BOD1L1: variants seen among roughly 807,000 people sequenced by gnomAD.
BOD1L1 encodes the protein biorientation of chromosomes in cell division 1 like 1.
BOD1L1 carries 86 observed loss-of-function variants against 240.7 expected under a neutral mutation model. The ratio of observed to expected loss-of-function variants is 0.36; its 90% CI spans 0.30 to 0.43. The LOEUF (loss-of-function observed/expected upper bound fraction) is 0.43. Ranked by LOEUF, BOD1L1 falls within the 20% of genes least tolerant of loss-of-function variation. The pLI is 1.00. For missense variants in BOD1L1, 3,554 were observed against 3,643.5 expected (o/e 0.98, Z 0.63); for synonymous variants, 1,268 against 1,272.3 (o/e 1.00, Z 0.07).
In BOD1L1 at chr4:13,570,036, G is replaced by T; in HGVS notation, c.9131C>A (p.Ala3044Asp). The T allele has an allele frequency of 6.2e-7, 1 of 1,603,556 alleles. No individual in the cohort carries two copies. The highest frequency in any genetic ancestry group is 8.5e-7 in the Non-Finnish European group (1 of 1,175,846). Reference protein sequence around the residue: ...RTRGQQRVEEAPVKKAKR With the variant: ...RTRGQQRVEEDPVKKAKR ...TTATCGCTTCGCTTTTTTCACAGGG[G>T]CTTCCTCCACCCTTTGCTGGCCTCT... Residue 3044 changes from alanine to aspartate, a missense_variant, in exon 26 of 26, where the codon GCC becomes GAC. By Grantham distance (126) the Ala-to-Asp change is moderately radical. Coordinates refer to ENST00000040738, the MANE Select transcript of BOD1L1 (RefSeq NM_148894.3).
chr4:13,577,640 A>C lies in BOD1L1; in HGVS notation c.8750-9T>G. 6.5e-7 allele frequency: 1 copy of C among 1,543,336 alleles called. No homozygotes were observed. Among genetic ancestry groups the C allele is most frequent in the Non-Finnish European group, 8.8e-7 (1 of 1,135,810 alleles). ...TTCTTTATTGGATTCATCTTTAAGA[A>C]AAGGGAAATCTCTGCATTAATATTT... On this transcript the variant is annotated splice_polypyrimidine_tract_variant and intron_variant, in intron 22 of 25. Transcript: ENST00000040738.
At chr4:13,581,408 CACTA>C (rs575455367) in intron 19 of BOD1L1, among the ~76,000 whole-genome samples, 320 of 152,266 alleles carry the variant, frequency 2.1e-3, no homozygotes, top group African/African-American at 7.5e-3. Flanking sequence ...TGATAAATAT[CACTA>C]ACTGTCATAA....
In BOD1L1 at chr4:13,602,908, G is replaced by C. The variant is rs1715331225; in HGVS notation, c.3992C>G (p.Thr1331Ser). 6.2e-7 allele frequency: 1 copy of C among 1,613,982 alleles called. No homozygotes were observed. Among genetic ancestry groups the C allele is most frequent in the Admixed American group, 1.7e-5 (1 of 60,020 alleles). ...DHSALPNQSL[T>S]VRESEVLKTS... ...CTTAAGGACTTCTGATTCCCTAACAGTCAGACTTTGGTTAGGGAGAGCAGA... is the reference window on the plus strand; with the variant it reads ...CTTAAGGACTTCTGATTCCCTAACACTCAGACTTTGGTTAGGGAGAGCAGA... The change falls in exon 10 of 26, where the codon ACT (threonine) becomes AGT (serine). Residue 1331 changes from threonine (T) to serine (S), a missense_variant. Physicochemically the swap from Thr to Ser is moderately conservative, Grantham distance 58. This residue lies in a region of BOD1L1 where 3,393 missense variants were observed against 3,427.1 expected (regional missense o/e 0.99). Transcript: ENST00000040738.
At chr4:13,581,692 A>C (rs988109179) in intron 19 of BOD1L1, among the ~76,000 whole-genome samples, 9 of 152,180 alleles carry the variant, frequency 5.9e-5, no homozygotes, top group Non-Finnish European at 1.2e-4. Context: ...GCTCAGTCTC[A>C]AGCCACTGCA....
Position 13,600,610 on chromosome 4 carries a change from T to C in BOD1L1, c.6290A>G (p.Asp2097Gly). The C allele has an allele frequency of 1.2e-6, 2 of 1,613,890 alleles. No homozygotes were observed. The highest frequency in any genetic ancestry group is 1.1e-5 in the South Asian group (1 of 91,070). The change falls in exon 10 of 26, where the codon GAT (aspartate) becomes GGT (glycine). Residue 2097 changes from aspartate to glycine, a missense_variant. Transcript: ENST00000040738. The stretch of plus-strand genomic sequence containing the variant: ...CATATTTTCTTCAGTTCTCAGAGCA[T>C]CTGAGAGACCTCCTTCCACATCTGT... ...AITDVEGGLS[D>G]ALRTEENMEG...
At chr4:13,598,077 G>A (rs1336459193) in intron 10 of BOD1L1, among the ~76,000 whole-genome samples, 1 of 152,182 alleles carries the variant, frequency 6.6e-6, no homozygotes, top group East Asian at 1.9e-4. Context: ...CCCAGTCTAT[G>A]CAATTGTCAT....
intron 1 of BOD1L1, chr4:13,624,978 CG>C (rs894085048): frequency 6.6e-6 from 1 of 152,162 alleles, no homozygotes; most frequent in African/African-American, 2.4e-5. Context: ...CTTTGGCCCA[CG>C]GTGGCCAGGC....
In BOD1L1 at chr4:13,601,473, T is replaced by C. The variant is rs538337018; in HGVS notation, c.5427A>G (p.Ser1809=). Residue 1809 remains serine (S), a synonymous_variant, in exon 10 of 26, where the codon TCA becomes TCG. Coordinates refer to ENST00000040738, the MANE Select transcript of BOD1L1 (RefSeq NM_148894.3). ...TAGCAAAGCCTTCGCTGCTATCTTC[T>C]GAACCTGTGCAACTTGCTGGCCCCT... ...DGEGPASCTG[S]EDSSEGFAIS... The C allele has an allele frequency of 6.3e-5, 101 of 1,614,074 alleles. No homozygotes were observed. In the South Asian group the frequency reaches 1.1e-3, roughly 18 times the overall value.
chr4:13,576,895 T>C lies in BOD1L1; in HGVS notation c.8981A>G (p.Glu2994Gly). Reference protein sequence around the residue: ...QESDEEEEEEEEDEPSGATTR... With the variant: ...QESDEEEEEEGEDEPSGATTR... ...GGTGGCTCCTGAAGGCTCGTCCTCT[T>C]CCTCTTCTTCCTCTTCCTCATCAGA... Residue 2994 changes from glutamate (E) to glycine (G), a missense_variant, in exon 25 of 26, where the codon GAA (glutamate) becomes GGA (glycine). Coordinates refer to ENST00000040738, the MANE Select transcript of BOD1L1 (RefSeq NM_148894.3). The C allele has an allele frequency of 6.2e-7, 1 of 1,613,974 alleles. No homozygotes were observed. Among genetic ancestry groups the C allele is most frequent in the Non-Finnish European group, 8.5e-7 (1 of 1,179,856 alleles).
intron 17 of BOD1L1, among the ~76,000 whole-genome samples, chr4:13,585,329 G>C (rs1453455935): frequency 1.3e-5 from 2 of 152,080 alleles, no homozygotes; most frequent in African/African-American, 4.8e-5. Context: ...TTCATAACTG[G>C]ACTTAAACAC....
intron 2 of BOD1L1, among the ~76,000 whole-genome samples, chr4:13,617,091 A>G (rs1489163161): frequency 6.6e-6 from 1 of 152,112 alleles, no homozygotes; most frequent in East Asian, 1.9e-4. Flanking sequence ...CTAAAAATAC[A>G]AAAATTAGCT....
chr4:13,614,813 T>C lies in BOD1L1; in HGVS notation c.560-3A>G, dbSNP rs764855356. On this transcript the variant is annotated splice_region_variant and splice_polypyrimidine_tract_variant and intron_variant, in intron 3 of 25. Coordinates refer to ENST00000040738, the MANE Select transcript of BOD1L1 (RefSeq NM_148894.3). ...ACTGGGCCCAGGAGTAGGAACACCT[T>C]AAAGAAAAACAGAAGTTTTAGAATA... 1 of 1,593,094 alleles carries C rather than the reference T, an allele frequency of 6.3e-7. No homozygotes were observed. Among genetic ancestry groups the C allele is most frequent in the Non-Finnish European group, 8.5e-7 (1 of 1,172,268 alleles).
intron 15 of BOD1L1, 74 bp from the exon 16 acceptor site, chr4:13,587,845 C>G: frequency 9.9e-7 from 1 of 1,006,576 alleles, no homozygotes. Flanking sequence ...GCACACTGTA[C>G]TAGATTCTAA....
At chr4:13,591,186 A>T (rs578055981) in intron 13 of BOD1L1, among the ~76,000 whole-genome samples, 2 of 152,274 alleles carry the variant, frequency 1.3e-5, no homozygotes, top group South Asian at 4.1e-4. Context: ...ACTATAGGCC[A>T]TGCCACTGTG....
rs143852641 is a variant in BOD1L1 at position 13,604,573 on chromosome 4, C to T, written c.2327G>A (p.Ser776Asn). The change falls in exon 10 of 26, where the codon AGT becomes AAT. Residue 776 changes from serine (S) to asparagine (N), a missense_variant. Physicochemically the swap from Ser to Asn is conservative, Grantham distance 46 (BLOSUM62 1). This residue lies in a region of BOD1L1 where 3,393 missense variants were observed against 3,427.1 expected (regional missense o/e 0.99). Coordinates refer to ENST00000040738, the MANE Select transcript of BOD1L1 (RefSeq NM_148894.3). ...LKVEENIQKQSQQTKLSSDDK... is the reference protein window; with the variant it reads ...LKVEENIQKQNQQTKLSSDDK... ...ATCTGAAGAAAGCTTTGTTTGTTGA[C>T]TTTGCTTTTGAATATTTTCCTCTAC... 1.3e-6 allele frequency: 2 copies of T among 1,562,344 alleles called. No homozygotes were observed. Among genetic ancestry groups the T allele is most frequent in the African/African-American group, 1.4e-5 (1 of 72,188 alleles).
intron 9 of BOD1L1, among the ~76,000 whole-genome samples, chr4:13,606,715 T>C (rs1715734187): frequency 6.6e-6 from 1 of 152,124 alleles, no homozygotes; most frequent in South Asian, 2.1e-4. Flanking sequence ...TTAAAAACAG[T>C]TTGCCAGATT....
intron 12 of BOD1L1, chr4:13,592,775 T>C (rs749892970): frequency 4.6e-5 from 7 of 152,116 alleles, no homozygotes; most frequent in Admixed American, 6.6e-5. Context: ...TTTCAGATGG[T>C]TTTGTGTAAG....
rs199566906 is a variant in BOD1L1 at position 13,613,663 on chromosome 4, T to G, written c.1175-2A>C. The G allele has an allele frequency of 5.3e-6, 8 of 1,521,888 alleles. No individual in the cohort carries two copies. The highest frequency in any genetic ancestry group is 7.1e-6 in the Non-Finnish European group (8 of 1,126,360). The allele number at this position is 1,521,888 out of a possible 1,614,324, so 94.3% of individuals were successfully genotyped here. A position where few individuals can be genotyped will look rare whatever the true frequency, so the allele number is the denominator to read the frequency against. On this transcript the variant is annotated splice_acceptor_variant, in intron 4 of 25. Coordinates refer to ENST00000040738, the MANE Select transcript of BOD1L1 (RefSeq NM_148894.3). LOFTEE classifies it high-confidence loss of function. This position sits in a 1 kb window ranked among gnomAD's most constrained non-coding sequence, Gnocchi z 4.0. Reference sequence around the variant, plus strand: ...CATCAGAATCTATCAAAGAGAAATCTTCAAGCGGAAAATAAAACACAGAAA... The same window carrying G: ...CATCAGAATCTATCAAAGAGAAATCGTCAAGCGGAAAATAAAACACAGAAA...
chr4:13,572,080 AGAGG>A (rs1313317462), intron 25 of BOD1L1, among the ~76,000 whole-genome samples: 1 of 152,250 alleles, frequency 6.6e-6, no homozygotes, highest in Non-Finnish European at 1.5e-5. Context: ...CCTAGAGCTC[AGAGG>A]GGTAAATAAA....
Sources: gnomAD v4.1 joint callset for allele counts (sites outside exome capture counted in the v4.1 genomes callset) on GRCh38, gnomAD v4.1.1 for gene constraint, gnomAD v4.1.1 regional missense constraint, Gnocchi (gnomAD v3.1) non-coding constraint, MANE v1.5 for transcripts, NCBI Gene and HGNC (gene_info 2026-07-23, HGNC 2026-07-21) for gene names.